AHCTF1: variants seen among roughly 807,000 people sequenced by gnomAD.
AHCTF1 encodes the protein protein ELYS.
In AHCTF1, 24 loss-of-function variants were observed where a neutral mutation model predicts 248.4. The ratio of observed to expected loss-of-function variants is 0.10; its 90% CI spans 0.07 to 0.14. The LOEUF (loss-of-function observed/expected upper bound fraction) is 0.14. Ranked by LOEUF, AHCTF1 falls within the 10% of genes least tolerant of loss-of-function variation. The probability of loss-of-function intolerance (pLI) is 1.00; values close to 1 mark genes in which losing one functional copy is unlikely to be tolerated. For synonymous variants in AHCTF1, 786 were observed against 929.8 expected, an observed-to-expected ratio of 0.85 and a Z score of 2.81; for missense variants, 2,206 against 2,636.2, an observed-to-expected ratio of 0.84 and a Z score of 3.57.
At chr1:246,876,867 T>C in intron 23 of AHCTF1, 83 bp downstream of exon 23, 1 of 1,509,490 alleles carries the variant, frequency 6.6e-7, no homozygotes, top group Non-Finnish European at 9.0e-7. Flanking sequence ...GTTACCAAAC[T>C]GTAAGCTCTT....
At chr1:246,895,434 G>A (rs1026960051) in intron 13 of AHCTF1, among the ~76,000 whole-genome samples, 2 of 152,166 alleles carry the variant, frequency 1.3e-5, no homozygotes, top group Non-Finnish European at 2.9e-5. Context: ...TGTGTGTGAA[G>A]AGTAACAGTG....
chr1:246,890,817 A>G (rs1664161004), intron 16 of AHCTF1, 139 bp downstream of exon 16: 2 of 501,520 alleles, frequency 4.0e-6, no homozygotes, highest in South Asian at 1.3e-4. Context: ...GTAAGAAAAG[A>G]AGGTTAAGCA....
At position 246,849,631 on chromosome 1, in the gene AHCTF1, A is replaced by C. The variant is rs1660544265; in HGVS notation, c.6375T>G (p.Val2125=). The C allele has an allele frequency of 6.2e-7, 1 of 1,607,872 alleles. No individual in the cohort carries two copies. The highest frequency in any genetic ancestry group is 1.3e-5 in the African/African-American group (1 of 74,654). ...GAAAAGTACCTTTTGCTTTCCTTGG[A>C]ACTTCTGACGCTGGAGAAAATAAAG... ...NEPLFSPASE[V]PRKAKAKKIE... Residue 2125 remains valine (V), a synonymous_variant, in exon 33 of 36, where the codon GTT becomes GTG. Coordinates refer to ENST00000648844, the MANE Select transcript of AHCTF1 (RefSeq NM_001323342.2).
rs975063142 is a variant in AHCTF1, at chr1:246,882,219, G to A, written c.2660+3274C>T. Among the ~76,000 whole-genome samples, 8 of 151,216 alleles carry A rather than the reference G, an allele frequency of 5.3e-5. 1 individual carries two copies. The highest frequency in any genetic ancestry group is 3.5e-3 in the Middle Eastern group (1 of 288). ...TCACCGTGTTAGCCAGGATGGTCTC[G>A]ATCTCCTGACCTCGTGATCCACCCG... On this transcript the variant is annotated intron_variant, in intron 21 of 35. Coordinates refer to ENST00000648844, the MANE Select transcript of AHCTF1 (RefSeq NM_001323342.2).
intron 16 of AHCTF1, 136 bp from the exon 17 acceptor site, chr1:246,890,195 A>G: frequency 3.8e-6 from 2 of 532,120 alleles, no homozygotes; most frequent in Non-Finnish European, 3.3e-6. Context: ...TTAGGTAATA[A>G]AAGATTACTA....
intron 31 of AHCTF1, among the ~76,000 whole-genome samples, chr1:246,854,603 A>G (rs1037622915): frequency 1.3e-5 from 2 of 152,200 alleles, no homozygotes; most frequent in African/African-American, 2.4e-5. Context: ...CTTTTTTGAT[A>G]ATGATCATTT....
In AHCTF1 at chr1:246,882,476, T is replaced by TA. The variant is rs200604228; in HGVS notation, c.2660+3016dup. Among the ~76,000 whole-genome samples the TA allele has an allele frequency of 9.4e-3, 1,426 of 152,312 alleles. 25 individuals are homozygous for TA. Among genetic ancestry groups the TA allele is most frequent in the African/African-American group, 0.032 (1,350 of 41,558 alleles). On this transcript the variant is annotated intron_variant, in intron 21 of 35. Transcript: ENST00000648844. ...AAAATAAACAACCGTAATGAAAATT[T>TA]AAAGATACTTAGAACAGAATCATAA...
At chr1:246,896,412 T>C (rs753463689) in intron 12 of AHCTF1, among the ~76,000 whole-genome samples, 1 of 152,216 alleles carries the variant, frequency 6.6e-6, no homozygotes, top group Non-Finnish European at 1.5e-5. Flanking sequence ...CTTGCTATAA[T>C]ACAGATGAAC....
rs370639205 is a variant in AHCTF1, at chr1:246,840,823, G to C, written c.6784C>G (p.Arg2262Gly). 6.3e-7 allele frequency: 1 copy of C among 1,597,172 alleles called. No individual in the cohort carries two copies. Among genetic ancestry groups the C allele is most frequent in the African/African-American group, 1.4e-5 (1 of 73,934 alleles). ...CCAAGAAATTACAGCATTTTTCTGC[G>C]TAAAATTTGCTTTGGATAGGAAGAC... ...KLSSYPKQILRRKML is the reference protein window; with the variant it reads ...KLSSYPKQILGRKML Residue 2262 changes from arginine (R) to glycine (G), a missense_variant, in exon 36 of 36, where the codon CGC becomes GGC. This residue lies in a region of AHCTF1 where 469 missense variants were observed against 470.0 expected (regional missense o/e 1.00). Coordinates refer to ENST00000648844, the MANE Select transcript of AHCTF1 (RefSeq NM_001323342.2).
At position 246,877,005 on chromosome 1, in the gene AHCTF1, C is replaced by T. The variant is rs543659382; in HGVS notation, c.2882G>A (p.Arg961His). ...CTTCAAGGCAGGCACATAATTGGCA[C>T]GCTGCAAATGGTGCACTAAAAGGAA... ...HEFLLVHHLQ[R>H]ANYVPALKLN... Residue 961 changes from arginine to histidine, a missense_variant, in exon 23 of 36, where the codon CGT (arginine) becomes CAT (histidine). By Grantham distance (29) the Arg-to-His change is conservative. This residue lies in a region of AHCTF1 where 955 missense variants were observed against 1,055.6 expected (regional missense o/e 0.90). Transcript: ENST00000648844. The T allele has an allele frequency of 9.3e-6, 15 of 1,612,060 alleles. No homozygotes were observed. In the Middle Eastern group the frequency reaches 6.8e-4, roughly 73 times the overall value.
rs1287846422 is a variant in AHCTF1 at position 246,905,243 on chromosome 1, T to TAATC, written c.881+294_881+297dup. ...GGCCAGTCGTGGTGACTCACACCTG[T>TAATC]AATCCCAGCACTTTGGGAGGCTGAG... On this transcript the variant is annotated intron_variant, in intron 6 of 35. Transcript: ENST00000648844. Among the ~76,000 whole-genome samples, 11 of 152,314 alleles carry TAATC rather than the reference T, an allele frequency of 7.2e-5. No homozygotes were observed. In the South Asian group the frequency reaches 1.2e-3, roughly 17 times the overall value.
intron 21 of AHCTF1, among the ~76,000 whole-genome samples, chr1:246,882,272 C>A (rs1663500113): frequency 6.6e-6 from 1 of 152,170 alleles, no homozygotes. Flanking sequence ...GCTGGGATTA[C>A]AGGCATGAGC....
intron 1 of AHCTF1, among the ~76,000 whole-genome samples, chr1:246,919,693 G>A (rs761020927): frequency 8.5e-6 from 1 of 117,714 alleles, no homozygotes; most frequent in Admixed American, 8.8e-5. Context: ...GACAGAGCAA[G>A]ACTCCATCTC....
chr1:246,861,917 T>G (rs533561859), intron 28 of AHCTF1, 42 bp downstream of exon 28: 1 of 1,525,212 alleles, frequency 6.6e-7, no homozygotes, highest in African/African-American at 1.4e-5. Flanking sequence ...TAATACATTC[T>G]TATTAAAAAA....
chr1:246,891,476 T>G (rs1255952349), intron 15 of AHCTF1, among the ~76,000 whole-genome samples: 2 of 150,988 alleles, frequency 1.3e-5, no homozygotes, highest in African/African-American at 5.0e-5. Context: ...ACAGAAAAAA[T>G]TTATGAGTTC....
At chr1:246,928,820 G>A (rs546723274) in intron 1 of AHCTF1, among the ~76,000 whole-genome samples, 3 of 152,206 alleles carry the variant, frequency 2.0e-5, no homozygotes, top group South Asian at 4.1e-4. Flanking sequence ...ATAAAAAGAC[G>A]AATTGTCATT....
intron 21 of AHCTF1, among the ~76,000 whole-genome samples, chr1:246,881,650 A>G (rs2103116648): frequency 6.6e-6 from 1 of 152,002 alleles, no homozygotes; most frequent in East Asian, 2.0e-4. Flanking sequence ...CAGCCTGACC[A>G]ACATGGGTGA....
intron 24 of AHCTF1, among the ~76,000 whole-genome samples, chr1:246,869,506 G>A (rs532037010): frequency 3.3e-5 from 5 of 152,258 alleles, no homozygotes; most frequent in East Asian, 1.9e-4. Context: ...TGGCTTCAAA[G>A]GACAGGGTGA....
At chr1:246,843,301 A>T (rs1006912944) in intron 34 of AHCTF1, among the ~76,000 whole-genome samples, 3 of 152,262 alleles carry the variant, frequency 2.0e-5, no homozygotes, top group African/African-American at 7.2e-5. Context: ...CTCTTCAATG[A>T]AACTGTGTAT....
Sources: allele counts gnomAD v4.1 joint callset (sites outside exome capture counted in the v4.1 genomes callset), GRCh38; gene constraint gnomAD v4.1.1; regional missense constraint gnomAD v4.1.1; transcripts MANE v1.5; gene names NCBI Gene and HGNC (gene_info 2026-07-23, HGNC 2026-07-21).